Variants in AGO3 observed in about 807,000 individuals in gnomAD.
AGO3 encodes argonaute RISC catalytic component 3.
Under a neutral mutation model 105.5 loss-of-function variants are expected in AGO3, and 16 were observed. The ratio of observed to expected loss-of-function variants is 0.15; its 90% CI spans 0.10 to 0.23. The LOEUF (loss-of-function observed/expected upper bound fraction) is 0.23, where lower values mean the gene tolerates loss of function less well. AGO3 is among the 10% of genes least tolerant of loss of function. The probability of loss-of-function intolerance (pLI) is 1.00; values close to 1 mark genes in which losing one functional copy is unlikely to be tolerated. For missense variants in AGO3, 534 were observed against 1,088.0 expected (o/e 0.49, Z 7.16); for synonymous variants, 340 against 367.3 (o/e 0.93, Z 0.85).
At chr1:35,961,994 TGTTGTA>T (rs1646685130) in intron 2 of AGO3, among the ~76,000 whole-genome samples, 1 of 152,202 alleles carries the variant, frequency 6.6e-6, no homozygotes, top group African/African-American at 2.4e-5. Context: ...TTTTGTTCAT[TGTTGTA>T]GTTGTTAGTA....
intron 5 of AGO3, among the ~76,000 whole-genome samples, chr1:35,999,744 G>A (rs962321153): frequency 1.3e-5 from 2 of 151,988 alleles, no homozygotes; most frequent in Non-Finnish European, 2.9e-5. Context: ...TATTAATTCT[G>A]TAATTTGTCC....
At chr1:36,033,273 G>A (rs905852563) in intron 12 of AGO3, among the ~76,000 whole-genome samples, 6 of 151,900 alleles carry the variant, frequency 3.9e-5, no homozygotes, top group Non-Finnish European at 8.8e-5. Flanking sequence ...GGAGGCAGAG[G>A]TTGCAGTGAG....
intron 2 of AGO3, among the ~76,000 whole-genome samples, chr1:35,947,780 T>C (rs983767856): frequency 1.3e-5 from 2 of 152,364 alleles, no homozygotes; most frequent in African/African-American, 4.8e-5. Context: ...TTATGGGGAC[T>C]TAACTGACTC....
intron 2 of AGO3, among the ~76,000 whole-genome samples, chr1:35,962,849 T>A (rs898772950): frequency 6.6e-6 from 1 of 152,218 alleles, no homozygotes; most frequent in African/African-American, 2.4e-5. Flanking sequence ...ATTAGGAAAG[T>A]ATTTCTTAAT....
chr1:36,006,522 CTAAGTGGTGCAAA>C (rs1348088353), intron 6 of AGO3, among the ~76,000 whole-genome samples: 2 of 151,844 alleles, frequency 1.3e-5, no homozygotes, highest in Non-Finnish European at 2.9e-5. Context: ...AAATAAATTG[CTAAGTGGTGCAAA>C]TAACAGAAAT....
intron 5 of AGO3, among the ~76,000 whole-genome samples, chr1:35,995,456 T>C (rs532163188): frequency 6.6e-6 from 1 of 152,070 alleles, no homozygotes; most frequent in South Asian, 2.1e-4. Flanking sequence ...GACCCACTAA[T>C]GTAGCTGGTT....
chr1:36,035,388 G>A (rs981822484), intron 13 of AGO3, among the ~76,000 whole-genome samples: 2 of 152,080 alleles, frequency 1.3e-5, no homozygotes, highest in Non-Finnish European at 2.9e-5. Context: ...GCAACACAGT[G>A]AGACCCTGTC....
intron 12 of AGO3, among the ~76,000 whole-genome samples, chr1:36,032,428 CTG>C (rs1641819704): frequency 6.6e-6 from 1 of 152,100 alleles, no homozygotes; most frequent in African/African-American, 2.4e-5. Flanking sequence ...GTCACCCAGA[CTG>C]GAGTGCAATG....
intron 5 of AGO3, among the ~76,000 whole-genome samples, chr1:35,995,802 T>C (rs1399076744): frequency 6.6e-6 from 1 of 152,056 alleles, no homozygotes; most frequent in East Asian, 1.9e-4. Context: ...CTCAGCCTCC[T>C]GAGTAGCTGG....
Position 36,063,820 on chromosome 1 carries a change from T to G in AGO3, c.*8075T>G, listed in dbSNP as rs547597507. 1 of 152,296 alleles carries G rather than the reference T, an allele frequency of 6.6e-6. No individual in the cohort carries two copies. The highest frequency in any genetic ancestry group is 2.1e-4 in the South Asian group (1 of 4,826). 9.4% of individuals were successfully genotyped at this position (152,296 alleles called of 1,614,324 possible). A position where few individuals can be genotyped will look rare whatever the true frequency, so the allele number is the denominator to read the frequency against. On this transcript the variant is annotated 3_prime_UTR_variant, in exon 19 of 19. Transcript: ENST00000373191. ...GTTTTGTTTTGTGGCACTATCATAG[T>G]TCACTATAACTTCAAACTCCTGGGC...
chr1:36,022,933 CAAAAAAAAA>C (rs1276165724), intron 11 of AGO3, among the ~76,000 whole-genome samples: 7 of 25,390 alleles, frequency 2.8e-4, no homozygotes, highest in South Asian at 1.7e-3. Context: ...AAAAAAAAAA[CAAAAAAAAA>C]AACAAAAAAA....
At chr1:36,025,238 T>C (rs952841821) in intron 11 of AGO3, among the ~76,000 whole-genome samples, 2 of 152,154 alleles carry the variant, frequency 1.3e-5, no homozygotes, top group Non-Finnish European at 2.9e-5. Context: ...TTTTTTTCTA[T>C]TTAATTCTGT....
intron 5 of AGO3, among the ~76,000 whole-genome samples, chr1:36,002,531 C>T (rs1200385497): frequency 6.6e-6 from 1 of 151,884 alleles, no homozygotes; most frequent in Admixed American, 6.6e-5. Flanking sequence ...GGGGTTTCAC[C>T]ATGTTGCCCA....
At chr1:36,028,275 T>C (rs1040174295) in intron 12 of AGO3, among the ~76,000 whole-genome samples, 1 of 152,064 alleles carries the variant, frequency 6.6e-6, no homozygotes, top group African/African-American at 2.4e-5. Context: ...ACTTTAAGTT[T>C]TAGGGTACAT....
chr1:36,018,980 G>A (rs893938232), intron 11 of AGO3, among the ~76,000 whole-genome samples: 2 of 152,042 alleles, frequency 1.3e-5, no homozygotes, highest in Non-Finnish European at 2.9e-5. Context: ...TGATGGGTGT[G>A]TGGTTCCAAG....
rs1479913832 is a variant in AGO3, at chr1:36,013,775, T to G, written c.1272+23T>G. On this transcript the variant is annotated intron_variant, in intron 10 of 18. Coordinates refer to ENST00000373191, the MANE Select transcript of AGO3 (RefSeq NM_024852.4). Reference sequence around the variant, plus strand: ...CGGGTAAAGTCTCTTGTTAATGTTTTAATCATACACATATTGTCTGTAAGT... The same window carrying G: ...CGGGTAAAGTCTCTTGTTAATGTTTGAATCATACACATATTGTCTGTAAGT... The G allele has an allele frequency of 2.5e-6, 4 of 1,611,814 alleles. No individual in the cohort carries two copies. The South Asian group carries it at 4.4e-5, about 18-fold the overall frequency.
intron 11 of AGO3, among the ~76,000 whole-genome samples, chr1:36,018,954 C>T (rs1343196014): frequency 6.6e-6 from 1 of 151,850 alleles, no homozygotes; most frequent in East Asian, 1.9e-4. Flanking sequence ...ATTAGCTTTA[C>T]CTTAAGTTCT....
rs913859935 is a variant in AGO3 at position 36,008,007 on chromosome 1, G to T, written c.794-683G>T. On this transcript the variant is annotated intron_variant, in intron 6 of 18. Coordinates refer to ENST00000373191, the MANE Select transcript of AGO3 (RefSeq NM_024852.4). The surrounding 1 kb of genome is among the most constrained non-coding windows in gnomAD (Gnocchi z 5.1). ...GCTAAATTATGTATATGTGCATTTT[G>T]CTGAGAGTTTATTGCTTACATCAGA... is the stretch of plus-strand genomic sequence containing the variant. Among the ~76,000 whole-genome samples the T allele has an allele frequency of 1.3e-5, 2 of 152,180 alleles. No individual in the cohort carries two copies. Among genetic ancestry groups the T allele is most frequent in the African/African-American group, 2.4e-5 (1 of 41,440 alleles).
chr1:35,980,681 A>G (rs1647037015), intron 5 of AGO3, among the ~76,000 whole-genome samples: 1 of 152,102 alleles, frequency 6.6e-6, no homozygotes, highest in Admixed American at 6.6e-5. Context: ...TCTGGCATTG[A>G]CTGTTCAATA....
Sources: gnomAD v4.1 joint callset for allele counts (sites outside exome capture counted in the v4.1 genomes callset) on GRCh38, gnomAD v4.1.1 for gene constraint, Gnocchi (gnomAD v3.1) non-coding constraint, MANE v1.5 for transcripts, NCBI Gene and HGNC (gene_info 2026-07-23, HGNC 2026-07-21) for gene names.